The following HS3ST4 variants were observed in gnomAD, a reference collection of about 807,000 sequenced individuals.
HS3ST4 encodes heparan sulfate-glucosamine 3-sulfotransferase 4, also known as heparan sulfate glucosamine 3-O-sulfotransferase 4.
In HS3ST4, 17 loss-of-function variants were observed where a neutral mutation model predicts 29.2. The ratio of observed to expected loss-of-function variants is 0.58; its 90% CI spans 0.40 to 0.87. The LOEUF (loss-of-function observed/expected upper bound fraction) is 0.87, where lower values mean the gene tolerates loss of function less well. Among genes scored for constraint, HS3ST4 ranks in the 40% least tolerant of loss-of-function variants. HS3ST4 has a pLI of 0.00. For missense variants in HS3ST4, 627 were observed against 634.5 expected (o/e 0.99, Z 0.13); for synonymous variants, 314 against 285.7 (o/e 1.10, Z -1.00).
At chr16:25,841,350 A>G (rs944471231) in intron 1 of HS3ST4, among the ~76,000 whole-genome samples, 1 of 152,066 alleles carries the variant, frequency 6.6e-6, no homozygotes, top group African/African-American at 2.4e-5. Context: ...CCCAGGCTGG[A>G]GTGCAGTGGC....
intron 1 of HS3ST4, among the ~76,000 whole-genome samples, chr16:25,889,235 T>C (rs990782691): frequency 6.6e-6 from 1 of 152,178 alleles, no homozygotes; most frequent in Non-Finnish European, 1.5e-5. Flanking sequence ...GAATCTTTTC[T>C]TGCTCGCTCT....
rs150271998 is a variant in HS3ST4, at chr16:25,739,318, G to A, written c.734+46167G>A. Among the ~76,000 whole-genome samples, 760 of 152,140 alleles carry A rather than the reference G, an allele frequency of 5.0e-3. 4 individuals are homozygous for A. The highest frequency in any genetic ancestry group is 0.01 in the Admixed American group (160 of 15,282). ...GTTCACGCCACTGGACTCCAGCCTG[G>A]GCAACAAAGTGAAACTCTGTCTCAA... On this transcript the variant is annotated intron_variant, in intron 1 of 1. Transcript: ENST00000331351.
In HS3ST4 at chr16:26,014,233, G is replaced by T. The variant is rs1596644839; in HGVS notation, c.735-121379G>T. The stretch of plus-strand genomic sequence containing the variant: ...CAGGGACCTCATCTTGTTCACTGTT[G>T]TGTCCCTGGGGCTAGATCAGTGCCT... On this transcript the variant is annotated intron_variant, in intron 1 of 1. Transcript: ENST00000331351. Among the ~76,000 whole-genome samples the T allele has an allele frequency of 2.0e-5, 3 of 152,062 alleles. No homozygotes were observed. In the East Asian group the frequency reaches 5.8e-4, roughly 29 times the overall value.
At position 26,060,900 on chromosome 16, in the gene HS3ST4, C is replaced by T. The variant is rs555136380; in HGVS notation, c.735-74712C>T. Reference sequence around the variant, plus strand: ...TCCAGTTCCTCTGGCTTCTCACTAACCAGAAGAATTCACTGTTATCCACAT... The same window carrying T: ...TCCAGTTCCTCTGGCTTCTCACTAATCAGAAGAATTCACTGTTATCCACAT... On this transcript the variant is annotated intron_variant, in intron 1 of 1. Transcript: ENST00000331351. Among the ~76,000 whole-genome samples, 35 of 152,288 alleles carry T rather than the reference C, an allele frequency of 2.3e-4. No homozygotes were observed. In the South Asian group the frequency reaches 4.4e-3, roughly 19 times the overall value.
At chr16:26,120,988 C>T (rs755618286) in intron 1 of HS3ST4, among the ~76,000 whole-genome samples, 3 of 152,208 alleles carry the variant, frequency 2.0e-5, no homozygotes, top group Non-Finnish European at 4.4e-5. Flanking sequence ...TTTCAGGCAC[C>T]CTGCTAAGTG....
rs74012497 is a variant in HS3ST4, at chr16:25,784,198, A to G, written c.734+91047A>G. Among the ~76,000 whole-genome samples the G allele has an allele frequency of 2.6e-3, 402 of 152,340 alleles. 3 individuals carry two copies. The highest frequency in any genetic ancestry group is 9.2e-3 in the African/African-American group (381 of 41,578). ...GTCCTGACTGCTCTGCCGACTGGACATGCCCTTACCTCTCTCCCTCTACTT... is the reference window on the plus strand; with the variant it reads ...GTCCTGACTGCTCTGCCGACTGGACGTGCCCTTACCTCTCTCCCTCTACTT... On this transcript the variant is annotated intron_variant, in intron 1 of 1. Transcript: ENST00000331351.
At chr16:26,000,845 G>A (rs1165362554) in intron 1 of HS3ST4, among the ~76,000 whole-genome samples, 5 of 152,152 alleles carry the variant, frequency 3.3e-5, no homozygotes, top group Non-Finnish European at 7.4e-5. Context: ...CTTCCACTGG[G>A]TAACCATTAA....
chr16:25,849,706 C>T (rs1040112528), intron 1 of HS3ST4, among the ~76,000 whole-genome samples: 14 of 152,058 alleles, frequency 9.2e-5, no homozygotes, highest in Non-Finnish European at 1.6e-4. Flanking sequence ...GGGGTCTCAC[C>T]ATGTTGCCCA....
intron 1 of HS3ST4, among the ~76,000 whole-genome samples, chr16:26,014,119 T>C (rs185262425): frequency 6.6e-6 from 1 of 152,254 alleles, no homozygotes; most frequent in Admixed American, 6.5e-5. Flanking sequence ...TGCTTTATTT[T>C]CCTTTGTGGC....
chr16:25,860,412 T>A (rs1434816108), intron 1 of HS3ST4, among the ~76,000 whole-genome samples: 1 of 152,144 alleles, frequency 6.6e-6, no homozygotes, highest in Non-Finnish European at 1.5e-5. Flanking sequence ...CACATGAGTG[T>A]TTATAACAGC....
At chr16:25,947,177 A>G (rs989250640) in intron 1 of HS3ST4, among the ~76,000 whole-genome samples, 3 of 152,224 alleles carry the variant, frequency 2.0e-5, no homozygotes, top group Non-Finnish European at 2.9e-5. Flanking sequence ...ATGGTTCTCC[A>G]TAAAATCATT....
At chr16:26,074,253 C>A (rs372258677) in intron 1 of HS3ST4, among the ~76,000 whole-genome samples, 4 of 152,302 alleles carry the variant, frequency 2.6e-5, no homozygotes, top group African/African-American at 9.6e-5. Context: ...CTCTAAATCT[C>A]ACATCAGGTA....
At chr16:25,862,561 G>A (rs9924408) in intron 1 of HS3ST4, among the ~76,000 whole-genome samples, 1,670 of 152,296 alleles carry the variant, frequency 0.011, 23 homozygotes, top group African/African-American at 0.038. Flanking sequence ...ATGCTCGCTC[G>A]TGCTCACTTC....
At chr16:26,067,131 A>G (rs1296152891) in intron 1 of HS3ST4, among the ~76,000 whole-genome samples, 3 of 152,156 alleles carry the variant, frequency 2.0e-5, no homozygotes, top group African/African-American at 4.8e-5. Flanking sequence ...CATCATCTCT[A>G]CTTAACAACA....
rs80333683 is a variant in HS3ST4, at chr16:26,069,564, T to C, written c.735-66048T>C. On this transcript the variant is annotated intron_variant, in intron 1 of 1. Transcript: ENST00000331351. ...TAAATTCTTTTATATATATATATTT[T>C]TTTTTATTATACTTTAAGTTCTAGG... is the stretch of plus-strand genomic sequence containing the variant. Among the ~76,000 whole-genome samples the C allele has an allele frequency of 9.3e-5, 14 of 151,202 alleles. No homozygotes were observed. In the East Asian group the frequency reaches 2.5e-3, roughly 27 times the overall value.
intron 1 of HS3ST4, among the ~76,000 whole-genome samples, chr16:25,742,295 C>T (rs997468377): frequency 2.6e-5 from 4 of 152,176 alleles, no homozygotes; most frequent in Non-Finnish European, 4.4e-5. Flanking sequence ...ATTCATCTTA[C>T]TAGCTTAGGT....
chr16:25,761,283 A>G (rs918553269), intron 1 of HS3ST4, among the ~76,000 whole-genome samples: 1 of 152,216 alleles, frequency 6.6e-6, no homozygotes, highest in Admixed American at 6.5e-5. Flanking sequence ...TCAATAGGAC[A>G]TTCTGTGAGA....
At chr16:25,930,490 A>T (rs1968451889) in intron 1 of HS3ST4, among the ~76,000 whole-genome samples, 1 of 152,142 alleles carries the variant, frequency 6.6e-6, no homozygotes, top group African/African-American at 2.4e-5. Flanking sequence ...ATGCTTTAGA[A>T]TTTTTTTATT....
intron 1 of HS3ST4, among the ~76,000 whole-genome samples, chr16:26,003,954 A>G (rs973663112): frequency 4.6e-5 from 7 of 152,118 alleles, no homozygotes; most frequent in Admixed American, 1.3e-4. Flanking sequence ...TTTGGTGTCC[A>G]TCACTGTGAG....
Sources: allele counts gnomAD v4.1 joint callset (sites outside exome capture counted in the v4.1 genomes callset), GRCh38; gene constraint gnomAD v4.1.1; transcripts MANE v1.5; gene names NCBI Gene and HGNC (gene_info 2026-07-23, HGNC 2026-07-21).